SCLT1: variants seen among roughly 807,000 people sequenced by gnomAD.
SCLT1 encodes the protein sodium channel and clathrin linker 1, also known as sodium channel-associated protein 1.
A neutral mutation model predicts 112.8 loss-of-function variants in SCLT1; 78 were observed. That is an observed-to-expected ratio of 0.69 (90% CI 0.58 to 0.83). The LOEUF (loss-of-function observed/expected upper bound fraction) is 0.83, where lower values mean the gene tolerates loss of function less well. Ranked by LOEUF, SCLT1 falls within the 40% of genes least tolerant of loss-of-function variation. SCLT1 has a pLI of 0.00. For missense variants in SCLT1, 747 were observed against 770.4 expected (o/e 0.97, Z 0.36); for synonymous variants, 257 against 254.7 (o/e 1.01, Z -0.09).
At chr4:128,911,879 G>C (rs576721981) in intron 18 of SCLT1, among the ~76,000 whole-genome samples, 225 of 152,344 alleles carry the variant, frequency 1.5e-3, no homozygotes, top group Non-Finnish European at 2.8e-3. Flanking sequence ...AGAGAGGACA[G>C]AGGCAAACAG....
chr4:129,019,754 T>C (rs1297282827), intron 5 of SCLT1, among the ~76,000 whole-genome samples: 1 of 152,148 alleles, frequency 6.6e-6, no homozygotes, highest in Non-Finnish European at 1.5e-5. Flanking sequence ...CCAAGCCTCC[T>C]TGGTGAAAAT....
Position 128,970,364 on chromosome 4 carries a change from G to A in SCLT1, c.777+14C>T. The A allele has an allele frequency of 2.7e-6, 4 of 1,457,466 alleles. No individual in the cohort carries two copies. Among genetic ancestry groups the A allele is most frequent in the Non-Finnish European group, 3.8e-6 (4 of 1,039,408 alleles). 90.3% of individuals were successfully genotyped at this position (1,457,466 alleles called of 1,614,324 possible). A position where few individuals can be genotyped will look rare whatever the true frequency, so the allele number is the denominator to read the frequency against. On this transcript the variant is annotated intron_variant, in intron 10 of 20. Transcript: ENST00000281142. ...AAGCAATAGGTACCCATTTGTCTTA[G>A]AAATAGAAAATACCTTCTTTTTCAT... is the stretch of plus-strand genomic sequence containing the variant.
At chr4:129,016,457 A>T (rs1032839878) in intron 5 of SCLT1, among the ~76,000 whole-genome samples, 4 of 152,198 alleles carry the variant, frequency 2.6e-5, no homozygotes, top group African/African-American at 9.6e-5. Flanking sequence ...TTTAAAGGCC[A>T]ACCCTGTGGA....
chr4:129,002,899 AG>A (rs1339938193), intron 6 of SCLT1, among the ~76,000 whole-genome samples: 3 of 152,206 alleles, frequency 2.0e-5, no homozygotes, highest in African/African-American at 7.2e-5. Flanking sequence ...ATCTAGAACT[AG>A]AAATACCATT....
intron 2 of SCLT1, among the ~76,000 whole-genome samples, chr4:129,048,058 C>T (rs1748361568): frequency 6.6e-6 from 1 of 151,964 alleles, no homozygotes; most frequent in African/African-American, 2.4e-5. Context: ...AAACCTTTAC[C>T]CAGAAAAATG....
chr4:129,015,411 C>G lies in SCLT1; in HGVS notation c.291-11535G>C, dbSNP rs113139259. On this transcript the variant is annotated intron_variant, in intron 5 of 20. Coordinates refer to ENST00000281142, the MANE Select transcript of SCLT1 (RefSeq NM_144643.4). ...AGGCTGTTCTTTAAGCAGGCATGGC[C>G]AGGCTGGGGCCCCAGGAGAGGGCAG... Among the ~76,000 whole-genome samples, 713 of 152,182 alleles carry G rather than the reference C, an allele frequency of 4.7e-3. 3 individuals carry two copies. Among genetic ancestry groups the G allele is most frequent in the African/African-American group, 0.016 (653 of 41,522 alleles).
At chr4:128,981,527 C>T (rs1437345417) in intron 9 of SCLT1, among the ~76,000 whole-genome samples, 1 of 152,054 alleles carries the variant, frequency 6.6e-6, no homozygotes, top group African/African-American at 2.4e-5. Context: ...GATGGCCCCA[C>T]CTGGACCTGC....
At chr4:128,977,073 A>G (rs1165648068) in intron 9 of SCLT1, among the ~76,000 whole-genome samples, 3 of 152,200 alleles carry the variant, frequency 2.0e-5, no homozygotes, top group African/African-American at 4.8e-5. Context: ...TCTGTAACCA[A>G]TATGTTATAA....
At position 128,948,527 on chromosome 4, in the gene SCLT1, TC is replaced by T. The variant is rs2125997083; in HGVS notation, c.1261del (p.Glu421LysfsTer9). ...KQGQIERVIKEKKAVEEELEK... is the reference protein window; with the variant it reads ...KQGQIERVIKXKKAVEEELEK... ...TAGTTCTTCTTCCACTGCTTTTTTTTCCTTAATGACTCGTTCAATTTGGCCT... is the reference window on the plus strand; with the variant it reads ...TAGTTCTTCTTCCACTGCTTTTTTTTCTTAATGACTCGTTCAATTTGGCCT... On this transcript the variant is annotated frameshift_variant, in exon 15 of 21. Coordinates refer to ENST00000281142, the MANE Select transcript of SCLT1 (RefSeq NM_144643.4). LOFTEE classifies it high-confidence loss of function. 6.2e-7 allele frequency: 1 copy of T among 1,609,820 alleles called. No homozygotes were observed. Among genetic ancestry groups the T allele is most frequent in the Non-Finnish European group, 8.5e-7 (1 of 1,177,358 alleles).
At chr4:128,878,155 A>G (rs577257153) in intron 3 of SCLT1, among the ~76,000 whole-genome samples, 1 of 152,200 alleles carries the variant, frequency 6.6e-6, no homozygotes, top group Admixed American at 6.5e-5. Flanking sequence ...TGTGATATGA[A>G]GTATAATAAA....
At chr4:128,960,094 T>C (rs1579510859) in intron 11 of SCLT1, among the ~76,000 whole-genome samples, 1 of 152,198 alleles carries the variant, frequency 6.6e-6, no homozygotes, top group African/African-American at 2.4e-5. Flanking sequence ...CACTGTATTA[T>C]ATAGTTACAT....
intron 9 of SCLT1, among the ~76,000 whole-genome samples, chr4:128,987,364 A>C (rs1462347290): frequency 6.6e-6 from 1 of 152,212 alleles, no homozygotes; most frequent in Non-Finnish European, 1.5e-5. Flanking sequence ...CACCAGTGTG[A>C]CCAATCCTAG....
intron 18 of SCLT1, among the ~76,000 whole-genome samples, chr4:128,897,968 GCTAA>G (rs1388100822): frequency 3.3e-5 from 5 of 152,236 alleles, no homozygotes; most frequent in African/African-American, 1.2e-4. Context: ...AACAAGAAGA[GCTAA>G]CTATCTTAAA....
At chr4:129,091,150 C>G (rs890735334) in intron 1 of SCLT1, among the ~76,000 whole-genome samples, 15 of 152,070 alleles carry the variant, frequency 9.9e-5, no homozygotes, top group African/African-American at 3.4e-4. Flanking sequence ...AATAACCCAC[C>G]ACCTTCAAAT....
At chr4:128,874,036 T>C (rs769736786) in intron 5 of SCLT1, 1 of 152,646 alleles carries the variant, frequency 6.6e-6, no homozygotes, top group African/African-American at 2.4e-5. Flanking sequence ...GGTTTTTAGA[T>C]TGACTGACTA....
intron 2 of SCLT1, among the ~76,000 whole-genome samples, chr4:129,061,610 G>T (rs1463713912): frequency 6.6e-6 from 1 of 152,144 alleles, no homozygotes; most frequent in African/African-American, 2.4e-5. Context: ...TGGCTAAGGT[G>T]CTGTTCTCAT....
Position 128,985,416 on chromosome 4 carries a change from T to G in SCLT1, c.686+6751A>C, listed in dbSNP as rs112258536. On this transcript the variant is annotated intron_variant, in intron 9 of 20. Transcript: ENST00000281142. ...GGCCTCTTTATTACACTCCACATTT[T>G]TACATTGATTGCTGAGTGTGAAGTA... 5.1e-3 allele frequency among the ~76,000 whole-genome samples: 780 copies of G among 152,370 alleles called. 11 individuals carry two copies. The highest frequency in any genetic ancestry group is 0.018 in the African/African-American group (747 of 41,602).
At chr4:129,072,549 C>G (rs2125756217) in intron 2 of SCLT1, among the ~76,000 whole-genome samples, 1 of 152,194 alleles carries the variant, frequency 6.6e-6, no homozygotes, top group South Asian at 2.1e-4. Context: ...AAGACCTTGT[C>G]TTTGAGCTCT....
At chr4:129,030,488 A>G (rs1238061016) in intron 5 of SCLT1, among the ~76,000 whole-genome samples, 3 of 152,152 alleles carry the variant, frequency 2.0e-5, no homozygotes, top group African/African-American at 7.2e-5. Context: ...AGACAGAGAC[A>G]TGAAAAACTG....
Sources: gnomAD v4.1 joint callset for allele counts (sites outside exome capture counted in the v4.1 genomes callset) on GRCh38, gnomAD v4.1.1 for gene constraint, MANE v1.5 for transcripts, NCBI Gene and HGNC (gene_info 2026-07-23, HGNC 2026-07-21) for gene names.